Variants in GIPR observed in about 807,000 individuals in gnomAD.
The protein encoded by GIPR is GIP-R.
GIPR carries 74 observed loss-of-function variants against 62.2 expected under a neutral mutation model. That is an observed-to-expected ratio of 1.19 (90% confidence interval 0.99 to 1.44). The LOEUF is 1.44. GIPR is among the 40% of genes most tolerant of loss of function. The pLI is 0.00. For missense variants in GIPR, 664 were observed against 611.8 expected, an observed-to-expected ratio of 1.09 and a Z score of -0.90; for synonymous variants, 256 against 262.2, an observed-to-expected ratio of 0.98 and a Z score of 0.23.
At chr19:45,681,350 C>T in intron 12 of GIPR, among the ~76,000 whole-genome samples, 1 of 152,120 alleles carries the variant, frequency 6.6e-6, no homozygotes, top group East Asian at 1.9e-4. Flanking sequence ...CAAAAATTAG[C>T]TGGGCGTGGT....
In GIPR at chr19:45,681,602, A is replaced by T; in HGVS notation, c.1153-2A>T. 1 of 1,613,720 alleles carries T rather than the reference A, an allele frequency of 6.2e-7. No individual in the cohort carries two copies. Among genetic ancestry groups the T allele is most frequent in the Non-Finnish European group, 8.5e-7 (1 of 1,179,860 alleles). On this transcript the variant is annotated splice_acceptor_variant, in intron 12 of 13. Coordinates refer to ENST00000590918, the MANE Select transcript of GIPR (RefSeq NM_000164.4). LOFTEE classifies it high-confidence loss of function. ...TGTAACCTCCGCGCCTCCTCTGGGC[A>T]GGGCTTCCTGGTCAGCGTCCTCTAC...
chr19:45,674,727 G>A lies in GIPR; in HGVS notation c.534G>A (p.Thr178=), dbSNP rs138696707. The A allele has an allele frequency of 2.8e-5, 45 of 1,613,852 alleles. No homozygotes were observed. The African/African-American group carries it at 3.6e-4, about 13-fold the overall frequency. The change falls in exon 7 of 14, where the codon ACG becomes ACA. Residue 178 remains threonine (T), a synonymous_variant. Coordinates refer to ENST00000590918, the MANE Select transcript of GIPR (RefSeq NM_000164.4). ...ACTATATCCACATCAACCTGTTCAC[G>A]TCTTTCATGCTGCGAGCTGCGGCCA... ...TRNYIHINLF[T]SFMLRAAAIL...
In GIPR at chr19:45,674,246, G is replaced by C. The variant is rs565126733; in HGVS notation, c.488+69G>C. The C allele has an allele frequency of 3.1e-5, 31 of 1,015,620 alleles. No homozygotes were observed. In the African/African-American group the frequency reaches 4.1e-4, roughly 13 times the overall value. The allele number at this position is 1,015,620 out of a possible 1,614,324, so 62.9% of individuals were successfully genotyped here. On this transcript the variant is annotated intron_variant, in intron 6 of 13. Coordinates refer to ENST00000590918, the MANE Select transcript of GIPR (RefSeq NM_000164.4). ...GGCCTCAGTTTGTCCAGTAAGATGGGGTGGTCTGTTTCCACCAGGTCCAGC... is the reference window on the plus strand; with the variant it reads ...GGCCTCAGTTTGTCCAGTAAGATGGCGTGGTCTGTTTCCACCAGGTCCAGC...
At chr19:45,676,419 G>A (rs907080466) in intron 7 of GIPR, among the ~76,000 whole-genome samples, 4 of 143,208 alleles carry the variant, frequency 2.8e-5, no homozygotes, top group Admixed American at 2.2e-4. Context: ...TCTCAAAAAA[G>A]AAGCTGATTT....
rs185448069 is a variant in GIPR at position 45,678,954 on chromosome 19, T to G, written c.1152+728T>G. On this transcript the variant is annotated intron_variant, in intron 12 of 13. Transcript: ENST00000590918. ...AATTGAAGGCCCACCTTACACTTGC[T>G]TGGTTTACCTGAGTCCCCAACCTGC... Among the ~76,000 whole-genome samples the G allele has an allele frequency of 7.9e-5, 12 of 152,348 alleles. No individual in the cohort carries two copies. The East Asian group carries it at 2.3e-3, about 29-fold the overall frequency.
rs747157298 is a variant in GIPR at position 45,681,929 on chromosome 19, C to T, written c.1395C>T (p.Tyr465=). ...AGGCCAGCCGGGAGTTGGAAAGTTA[C>T]TGCTAGGGGGCGGGATCCCCGTGTC... The part of the protein sequence containing the change: ...GNEASRELES[Y]C Residue 465 remains tyrosine (Y), a synonymous_variant, in exon 14 of 14, where the codon TAC becomes TAT. Coordinates refer to ENST00000590918, the MANE Select transcript of GIPR (RefSeq NM_000164.4). 6 of 1,558,880 alleles carry T rather than the reference C, an allele frequency of 3.8e-6. No homozygotes were observed. Among genetic ancestry groups the T allele is most frequent in the South Asian group, 2.4e-5 (2 of 84,678 alleles).
Position 45,681,671 on chromosome 19 carries a change from C to G in GIPR, c.1194+26C>G, listed in dbSNP as rs746614908. 3 of 1,612,766 alleles carry G rather than the reference C, an allele frequency of 1.9e-6. 1 individual carries two copies. The South Asian group carries it at 3.3e-5, about 18-fold the overall frequency. ...GTAGGCAGAGACCCGGCCGCCGCCC[C>G]CGCCCTCTGGCGGCAGCGCGGGGTA... On this transcript the variant is annotated intron_variant, in intron 13 of 13. Coordinates refer to ENST00000590918, the MANE Select transcript of GIPR (RefSeq NM_000164.4).
In GIPR at chr19:45,670,703, G is replaced by A. The variant is rs746491542; in HGVS notation, c.141G>A (p.Gln47=). 2 of 1,611,252 alleles carry A rather than the reference G, an allele frequency of 1.2e-6. No individual in the cohort carries two copies. Among genetic ancestry groups the A allele is most frequent in the South Asian group, 1.1e-5 (1 of 90,622 alleles). ...QRWERYRREC[Q]ETLAAAEPPS... ...GGGAACGGTACCGCAGGGAGTGCCA[G>A]GAGACCTTGGCAGCCGCGGAACCGC... The change falls in exon 3 of 14, where the codon CAG becomes CAA. Residue 47 remains glutamine, a synonymous_variant. Coordinates refer to ENST00000590918, the MANE Select transcript of GIPR (RefSeq NM_000164.4).
At chr19:45,668,869 T>C (rs1975392842) in intron 1 of GIPR, among the ~76,000 whole-genome samples, 1 of 152,220 alleles carries the variant, frequency 6.6e-6, no homozygotes, top group South Asian at 2.1e-4. Context: ...CTGGGCTTTA[T>C]CTACCCCCAG....
At position 45,669,559 on chromosome 19, in the gene GIPR, C is replaced by G. The variant is rs754265149; in HGVS notation, c.39C>G (p.Leu13=). Residue 13 remains leucine, a synonymous_variant, in exon 2 of 14, where the codon CTC becomes CTG. Transcript: ENST00000590918. The part of the protein sequence containing the change: ...TSPILQLLLR[L]SLCGLLLQRA... ...CGATCCTGCAGCTGCTGCTGCGGCT[C>G]TCACTGTGCGGGCTGCTGCTCCAGA... 6.3e-7 allele frequency: 1 copy of G among 1,582,448 alleles called. No individual in the cohort carries two copies. The highest frequency in any genetic ancestry group is 8.6e-7 in the Non-Finnish European group (1 of 1,167,132).
chr19:45,674,769 T>C lies in GIPR; in HGVS notation c.576T>C (p.Arg192=). 1 of 1,613,970 alleles carries C rather than the reference T, an allele frequency of 6.2e-7. No homozygotes were observed. The highest frequency in any genetic ancestry group is 8.5e-7 in the Non-Finnish European group (1 of 1,179,934). Residue 192 remains arginine (R), a synonymous_variant, in exon 7 of 14, where the codon CGT becomes CGC. Coordinates refer to ENST00000590918, the MANE Select transcript of GIPR (RefSeq NM_000164.4). The stretch of plus-strand genomic sequence containing the variant: ...CTGCGGCCATTCTCAGCCGAGACCG[T>C]CTGCTACCTCGACCTGGCCCCTACC... ...LRAAAILSRD[R]LLPRPGPYLG...
intron 7 of GIPR, 159 bp downstream of exon 7, chr19:45,674,985 T>A: frequency 1.4e-6 from 1 of 720,136 alleles, no homozygotes; most frequent in Non-Finnish European, 2.5e-6. Context: ...TCAAGACACA[T>A]TTGGAGAGGG....
Position 45,681,905 on chromosome 19 carries a change from G to T in GIPR, c.1371G>T (p.Glu457Asp). 1 of 1,560,462 alleles carries T rather than the reference G, an allele frequency of 6.4e-7. No homozygotes were observed. Among genetic ancestry groups the T allele is most frequent in the Non-Finnish European group, 8.7e-7 (1 of 1,151,608 alleles). ...SSGTLPGPGN[E>D]ASRELESYC is the part of the protein sequence containing the mutation. ...GGACCCTCCCAGGGCCTGGGAATGAGGCCAGCCGGGAGTTGGAAAGTTACT... is the reference window on the plus strand; with the variant it reads ...GGACCCTCCCAGGGCCTGGGAATGATGCCAGCCGGGAGTTGGAAAGTTACT... Residue 457 changes from glutamate (E) to aspartate (D), a missense_variant, in exon 14 of 14, where the codon GAG (glutamate) becomes GAT (aspartate). Glu to Asp is a conservative substitution (Grantham distance 45, BLOSUM62 2). Coordinates refer to ENST00000590918, the MANE Select transcript of GIPR (RefSeq NM_000164.4).
At chr19:45,671,787 T>A (rs1005304945) in intron 4 of GIPR, among the ~76,000 whole-genome samples, 4 of 148,940 alleles carry the variant, frequency 2.7e-5, no homozygotes, top group African/African-American at 1.0e-4. Flanking sequence ...GCTTTTTTTT[T>A]ATATATATAT....
At position 45,672,930 on chromosome 19, in the gene GIPR, C is replaced by T; in HGVS notation, c.360C>T (p.Asn120=). 1 of 1,608,854 alleles carries T rather than the reference C, an allele frequency of 6.2e-7. No homozygotes were observed. Among genetic ancestry groups the T allele is most frequent in the Non-Finnish European group, 8.5e-7 (1 of 1,175,258 alleles). ...GGAGAGACCATACACAATGTGAGAACCCAGAGAAGAATGAGGCCTTTCTGG... is the reference window on the plus strand; with the variant it reads ...GGAGAGACCATACACAATGTGAGAATCCAGAGAAGAATGAGGCCTTTCTGG... The part of the protein sequence containing the change: ...GLWRDHTQCE[N]PEKNEAFLDQ... Residue 120 remains asparagine (N), a synonymous_variant, in exon 5 of 14, where the codon AAC becomes AAT. Coordinates refer to ENST00000590918, the MANE Select transcript of GIPR (RefSeq NM_000164.4).
In GIPR at chr19:45,682,248, C is replaced by G. The variant is rs1410577608; in HGVS notation, c.*313C>G. On this transcript the variant is annotated 3_prime_UTR_variant, in exon 14 of 14. Transcript: ENST00000590918. The stretch of plus-strand genomic sequence containing the variant: ...GATCACTTTGGGGAGAGCTGGAGAA[C>G]AGGATTCTAGGCGGAAGCGATAGCA... 8.0e-6 allele frequency: 3 copies of G among 374,294 alleles called. No homozygotes were observed. The highest frequency in any genetic ancestry group is 4.4e-5 in the African/African-American group (2 of 45,900). The allele number at this position is 374,294 out of a possible 1,614,324, so 23.2% of individuals were successfully genotyped here. A position where few individuals can be genotyped will look rare whatever the true frequency, so the allele number is the denominator to read the frequency against.
chr19:45,681,844 C>A lies in GIPR; in HGVS notation c.1310C>A (p.Pro437Gln), dbSNP rs1341234286. 2.6e-6 allele frequency: 4 copies of A among 1,553,912 alleles called. No individual in the cohort carries two copies. In the South Asian group the frequency reaches 4.7e-5, roughly 18 times the overall value. ...AFRALPSGSG[P>Q]GEVPTSRGLS... is the part of the protein sequence containing the mutation. ...CGGGCCCTGCCCTCCGGCTCCGGCC[C>A]GGGCGAGGTCCCCACCAGCCGCGGC... Residue 437 changes from proline (P) to glutamine (Q), a missense_variant, in exon 14 of 14, where the codon CCG becomes CAG. Coordinates refer to ENST00000590918, the MANE Select transcript of GIPR (RefSeq NM_000164.4).
intron 4 of GIPR, among the ~76,000 whole-genome samples, chr19:45,672,214 C>A (rs1301815912): frequency 1.3e-5 from 2 of 149,688 alleles, no homozygotes; most frequent in Admixed American, 6.7e-5. Flanking sequence ...CAGAGTCTTG[C>A]CATGTTACCC....
chr19:45,677,225 C>T lies in GIPR; in HGVS notation c.794-98C>T, dbSNP rs993755587. The stretch of plus-strand genomic sequence containing the variant: ...CGTCTCTAGGCTTCTGCCTTCCCCA[C>T]CCCGACAGAGGAATTCCGCGGGTCT... On this transcript the variant is annotated intron_variant, in intron 8 of 13. Transcript: ENST00000590918. 1.7e-5 allele frequency: 24 copies of T among 1,383,014 alleles called. No individual in the cohort carries two copies. In the African/African-American group the frequency reaches 2.7e-4, roughly 16 times the overall value. 85.7% of individuals were successfully genotyped at this position (1,383,014 alleles called of 1,614,324 possible). A position where few individuals can be genotyped will look rare whatever the true frequency, so the allele number is the denominator to read the frequency against.
Sources: gnomAD v4.1 joint callset for allele counts (sites outside exome capture counted in the v4.1 genomes callset) on GRCh38, gnomAD v4.1.1 for gene constraint, MANE v1.5 for transcripts, NCBI Gene and HGNC (gene_info 2026-07-23, HGNC 2026-07-21) for gene names.